The following SAMMSON variants were observed in gnomAD, a reference collection of about 807,000 sequenced individuals.
The protein encoded by SAMMSON is survival associated mitochondrial melanoma specific oncogenic non-coding RNA, also known as long intergenic non-protein coding RNA 1212.
chr3:70,360,428 T>C (rs573229832), intron 9 of SAMMSON, among the ~76,000 whole-genome samples: 1 of 152,280 alleles, frequency 6.6e-6, no homozygotes, highest in African/African-American at 2.4e-5. Context: ...AGTAAGTCAC[T>C]TTTCCTATTG....
intron 2 of SAMMSON, among the ~76,000 whole-genome samples, chr3:70,406,669 T>C (rs1701180630): frequency 6.6e-6 from 1 of 152,206 alleles, no homozygotes; most frequent in Admixed American, 6.5e-5. Context: ...TGAAGATGCA[T>C]GTGGTAATCC....
intron 7 of SAMMSON, among the ~76,000 whole-genome samples, chr3:70,331,321 T>A (rs1375445919): frequency 6.6e-6 from 1 of 152,236 alleles, no homozygotes; most frequent in Non-Finnish European, 1.5e-5. Flanking sequence ...GTGGATGAGC[T>A]ACTGGTGTAT....
intron 4 of SAMMSON, among the ~76,000 whole-genome samples, chr3:70,108,441 T>TTTTTTTTTTTTTTTTTTTTA (rs1553715435): frequency 1.4e-5 from 2 of 146,404 alleles, no homozygotes; most frequent in East Asian, 2.0e-4. Flanking sequence ...TTTTTTTTTT[T>TTTTTTTTTTTTTTTTTTTTA]ATCATAACTC....
chr3:70,258,847 T>C (rs1170409722), intron 6 of SAMMSON, among the ~76,000 whole-genome samples: 1 of 152,286 alleles, frequency 6.6e-6, no homozygotes, highest in East Asian at 1.9e-4. Context: ...GAGCAGGTGA[T>C]GACCCTATGA....
At chr3:70,281,567 C>G (rs1416702316) in intron 6 of SAMMSON, among the ~76,000 whole-genome samples, 2 of 151,974 alleles carry the variant, frequency 1.3e-5, no homozygotes, top group Non-Finnish European at 2.9e-5. Context: ...GGTAAAAGCT[C>G]AAAACAAACA....
intron 4 of SAMMSON, chr3:70,127,180 A>C (rs1339646761): frequency 6.6e-6 from 1 of 152,212 alleles, no homozygotes; most frequent in Non-Finnish European, 1.5e-5. Flanking sequence ...TCTAAAGCAA[A>C]GCTTCCCAAA....
intron 9 of SAMMSON, among the ~76,000 whole-genome samples, chr3:70,377,539 A>G (rs1427323507): frequency 6.6e-6 from 1 of 152,152 alleles, no homozygotes; most frequent in Non-Finnish European, 1.5e-5. Flanking sequence ...ATAAAACCTG[A>G]TAAGAGAATT....
At chr3:70,161,432 T>C (rs1268028628) in intron 4 of SAMMSON, among the ~76,000 whole-genome samples, 2 of 152,048 alleles carry the variant, frequency 1.3e-5, no homozygotes, top group Non-Finnish European at 2.9e-5. Context: ...GAGATGATCA[T>C]GTGGTTTTTG....
chr3:70,206,683 G>A (rs970720811), intron 4 of SAMMSON: 5 of 397,634 alleles, frequency 1.3e-5, no homozygotes, highest in African/African-American at 2.1e-5. Flanking sequence ...TTCTCATTGG[G>A]GTTTTCCTTG....
chr3:70,370,366 A>G (rs1190053516), intron 9 of SAMMSON, among the ~76,000 whole-genome samples: 2 of 151,614 alleles, frequency 1.3e-5, no homozygotes, highest in Non-Finnish European at 3.0e-5. Context: ...TCTATTTTTA[A>G]TTTTTCGAGA....
chr3:70,212,162 A>G (rs1213612484), intron 4 of SAMMSON, among the ~76,000 whole-genome samples: 2 of 152,118 alleles, frequency 1.3e-5, no homozygotes, highest in Non-Finnish European at 2.9e-5. Context: ...TGCCAAGCAT[A>G]AACTACACTC....
chr3:70,061,021 A>G (rs1284449681), intron 3 of SAMMSON, among the ~76,000 whole-genome samples: 5 of 152,088 alleles, frequency 3.3e-5, no homozygotes, highest in Admixed American at 6.6e-5. Context: ...GACGATGCCA[A>G]TGAAAATGGA....
intron 4 of SAMMSON, among the ~76,000 whole-genome samples, chr3:70,181,878 C>T (rs1279534855): frequency 6.6e-6 from 1 of 152,108 alleles, no homozygotes; most frequent in African/African-American, 2.4e-5. Flanking sequence ...CAAATTATTT[C>T]CTTGAAATAA....
intron 1 of SAMMSON, among the ~76,000 whole-genome samples, chr3:70,009,763 T>G (rs28863205): frequency 1.3e-5 from 2 of 148,632 alleles, no homozygotes; most frequent in Non-Finnish European, 1.5e-5. Context: ...CCTGCTTTCT[T>G]TTGTGGGCAT....
intron 7 of SAMMSON, among the ~76,000 whole-genome samples, chr3:70,292,693 T>A (rs1239115552): frequency 6.6e-6 from 1 of 152,104 alleles, no homozygotes; most frequent in Non-Finnish European, 1.5e-5. Context: ...TTTTCTCTTT[T>A]TTGATGTACA....
In SAMMSON at chr3:70,104,265, GT is replaced by G. The variant is rs565482813; in HGVS notation, n.507+32711del. Among the ~76,000 whole-genome samples the G allele has an allele frequency of 4.7e-3, 655 of 140,260 alleles. 3 individuals carry two copies. The highest frequency in any genetic ancestry group is 6.3e-3 in the Non-Finnish European group (411 of 65,620). The allele number at this position is 140,260 out of a possible 152,430, so 92.0% of individuals were successfully genotyped here. A position where few individuals can be genotyped will look rare whatever the true frequency, so the allele number is the denominator to read the frequency against. The stretch of plus-strand genomic sequence containing the variant: ...AGTGTAGCAATCAGCAAAACCTCGT[GT>G]TTTTTTTTTTCCTACGCTGCGATAC... On this transcript the variant is annotated intron_variant and non_coding_transcript_variant, in intron 4 of 9. Coordinates refer to ENST00000642114, the Ensembl canonical transcript of SAMMSON.
At chr3:70,235,890 A>G (rs565543663) in intron 4 of SAMMSON, among the ~76,000 whole-genome samples, 5 of 152,322 alleles carry the variant, frequency 3.3e-5, no homozygotes, top group Admixed American at 6.5e-5. Context: ...TTAAATGTTC[A>G]TATTAGTGGT....
intron 7 of SAMMSON, among the ~76,000 whole-genome samples, chr3:70,334,036 A>G (rs1702644923): frequency 6.6e-6 from 1 of 152,222 alleles, no homozygotes; most frequent in Non-Finnish European, 1.5e-5. Context: ...GAATATTTTG[A>G]CATATGGAAG....
rs564111876 is a variant in SAMMSON, at chr3:70,307,797, T to C, written n.739+16554T>C. On this transcript the variant is annotated intron_variant and non_coding_transcript_variant, in intron 7 of 9. Transcript: ENST00000642114. ...GCCTCCAGTGACAACACAGAACCAA[T>C]GTCCACTACTTAACCTACAGTCAGC... Among the ~76,000 whole-genome samples, 3 of 152,324 alleles carry C rather than the reference T, an allele frequency of 2.0e-5. No homozygotes were observed. The South Asian group carries it at 6.2e-4, about 32-fold the overall frequency.
Sources: gnomAD v4.1 joint callset for allele counts (sites outside exome capture counted in the v4.1 genomes callset) on GRCh38, gnomAD v4.1.1 for gene constraint, MANE v1.5 for transcripts, NCBI Gene and HGNC (gene_info 2026-07-23, HGNC 2026-07-21) for gene names.